Variants in TNR observed in about 807,000 individuals in gnomAD.
TNR encodes tenascin-R.
Under a neutral mutation model 150.4 loss-of-function variants are expected in TNR, and 45 were observed. The ratio of observed to expected loss-of-function variants is 0.30; its 90% CI spans 0.24 to 0.38. The LOEUF (loss-of-function observed/expected upper bound fraction) is 0.38. TNR is among the 10% of genes least tolerant of loss of function. The pLI, the probability that TNR is intolerant of heterozygous loss-of-function variation, is 1.00. For missense variants in TNR, 1,544 were observed against 1,759.1 expected (o/e 0.88, Z 2.19); for synonymous variants, 687 against 678.4 (o/e 1.01, Z -0.20).
At chr1:175,426,081 C>T (rs749525389) in intron 2 of TNR, among the ~76,000 whole-genome samples, 4 of 152,174 alleles carry the variant, frequency 2.6e-5, no homozygotes, top group South Asian at 2.1e-4. Flanking sequence ...GTAACAGGAG[C>T]CTGCTGAGGT....
chr1:175,713,771 GAGA>G (rs755174305), intron 1 of TNR, among the ~76,000 whole-genome samples: 2 of 152,202 alleles, frequency 1.3e-5, no homozygotes, highest in Non-Finnish European at 2.9e-5. Flanking sequence ...ACCTGCATGA[GAGA>G]AGGAGGAGAG....
At chr1:175,402,951 C>T (rs1045319263) in intron 4 of TNR, among the ~76,000 whole-genome samples, 189 bp downstream of exon 4, 1 of 152,180 alleles carries the variant, frequency 6.6e-6, no homozygotes, top group Non-Finnish European at 1.5e-5. Context: ...ACTCTTTATC[C>T]CTTTTAATCT....
chr1:175,645,372 G>A (rs149203100), intron 1 of TNR, among the ~76,000 whole-genome samples: 5 of 152,258 alleles, frequency 3.3e-5, no homozygotes, highest in East Asian at 1.9e-4. Context: ...TAAGATTCCC[G>A]GCAGCCATGG....
At chr1:175,686,576 G>T (rs570296303) in intron 1 of TNR, among the ~76,000 whole-genome samples, 1 of 152,076 alleles carries the variant, frequency 6.6e-6, no homozygotes, top group Non-Finnish European at 1.5e-5. Context: ...ATAATGCTTC[G>T]ATTGAGCCCA....
At chr1:175,434,344 T>C (rs1181565129) in intron 2 of TNR, among the ~76,000 whole-genome samples, 3 of 152,132 alleles carry the variant, frequency 2.0e-5, no homozygotes, top group African/African-American at 7.2e-5. Context: ...CTTGCCTGAA[T>C]TGGAGATGAG....
intron 1 of TNR, among the ~76,000 whole-genome samples, chr1:175,644,188 C>A (rs1664746049): frequency 6.6e-6 from 1 of 152,168 alleles, no homozygotes; most frequent in African/African-American, 2.4e-5. Flanking sequence ...GGTCAGTAAA[C>A]AATTTATGAA....
rs1388060788 is a variant in TNR, at chr1:175,633,288, G to A, written c.-164-104919C>T. On this transcript the variant is annotated intron_variant, in intron 1 of 22. Coordinates refer to ENST00000367674, the MANE Select transcript of TNR (RefSeq NM_003285.3). ...AGACTGTATGCATCTTGTAGGCCAAGACTTGGTCTTATGTTCTTTTTTTGT... is the reference window on the plus strand; with the variant it reads ...AGACTGTATGCATCTTGTAGGCCAAAACTTGGTCTTATGTTCTTTTTTTGT... Among the ~76,000 whole-genome samples the A allele has an allele frequency of 2.0e-5, 3 of 152,106 alleles. No individual in the cohort carries two copies. The East Asian group carries it at 5.8e-4, about 29-fold the overall frequency.
intron 2 of TNR, among the ~76,000 whole-genome samples, chr1:175,417,073 AAG>A (rs200429767): frequency 2.9e-5 from 4 of 139,044 alleles, no homozygotes; most frequent in Admixed American, 1.5e-4. Flanking sequence ...GAAAGAAAGA[AAG>A]AAATCTAAGA....
intron 1 of TNR, among the ~76,000 whole-genome samples, chr1:175,548,654 G>T (rs1660812317): frequency 8.2e-6 from 1 of 121,628 alleles, no homozygotes. Flanking sequence ...TGGTTTTACT[G>T]TAAGCAAAAT....
At chr1:175,354,282 C>T in intron 18 of TNR, 109 bp downstream of exon 18, 1 of 1,433,686 alleles carries the variant, frequency 7.0e-7, no homozygotes, top group Non-Finnish European at 9.3e-7. Flanking sequence ...GAGGAGGCAA[C>T]TGAGCTTTTT....
chr1:175,609,521 G>A (rs780872550), intron 1 of TNR, among the ~76,000 whole-genome samples: 8 of 152,174 alleles, frequency 5.3e-5, no homozygotes, highest in Non-Finnish European at 1.2e-4. Context: ...TAAAATGGTA[G>A]CTGGACATAG....
At position 175,347,316 on chromosome 1, in the gene TNR, T is replaced by C. The variant is rs183776428; in HGVS notation, c.3382+7075A>G. Among the ~76,000 whole-genome samples the C allele has an allele frequency of 7.3e-4, 111 of 152,342 alleles. 1 individual carries two copies. Among genetic ancestry groups the C allele is most frequent in the Non-Finnish European group, 6.2e-4 (42 of 68,036 alleles). On this transcript the variant is annotated intron_variant, in intron 18 of 22. Coordinates refer to ENST00000367674, the MANE Select transcript of TNR (RefSeq NM_003285.3). ...AAAATTCTATACCTTGATAAATGTT[T>C]TAAACCTCAAATCTAAACAAACACT...
chr1:175,637,545 G>T (rs1321218408), intron 1 of TNR, among the ~76,000 whole-genome samples: 3 of 151,692 alleles, frequency 2.0e-5, no homozygotes, highest in Non-Finnish European at 4.4e-5. Context: ...AGTAGCAAAA[G>T]AAAAAAAATA....
chr1:175,494,350 G>C (rs1293017435), intron 2 of TNR, among the ~76,000 whole-genome samples: 1 of 152,236 alleles, frequency 6.6e-6, no homozygotes, highest in South Asian at 2.1e-4. Flanking sequence ...CTGATTCATA[G>C]TCCCCGGCAC....
At chr1:175,396,962 A>C (rs2301430) in intron 4 of TNR, among the ~76,000 whole-genome samples, 155 bp from the exon 5 acceptor site, 8,232 of 152,228 alleles carry the variant, frequency 0.054, 312 homozygotes, top group Middle Eastern at 0.17. Flanking sequence ...CTTTGTGAGC[A>C]GGCTCTTGTC....
At chr1:175,398,217 T>A (rs995492520) in intron 4 of TNR, among the ~76,000 whole-genome samples, 11 of 152,152 alleles carry the variant, frequency 7.2e-5, no homozygotes, top group African/African-American at 2.2e-4. Flanking sequence ...CAGGATAGAA[T>A]CAGCAGCATA....
At chr1:175,344,607 C>T (rs150115244) in intron 18 of TNR, among the ~76,000 whole-genome samples, 1 of 152,238 alleles carries the variant, frequency 6.6e-6, no homozygotes, top group East Asian at 1.9e-4. Context: ...ACTTAGATGA[C>T]ATGGACCAAT....
At chr1:175,648,640 C>A (rs969849718) in intron 1 of TNR, among the ~76,000 whole-genome samples, 1 of 152,188 alleles carries the variant, frequency 6.6e-6, no homozygotes, top group East Asian at 1.9e-4. Context: ...GGCTTTCCTT[C>A]CCTGTCCAGA....
intron 1 of TNR, among the ~76,000 whole-genome samples, chr1:175,664,331 G>T (rs1210605332): frequency 6.6e-6 from 1 of 152,198 alleles, no homozygotes; most frequent in African/African-American, 2.4e-5. Flanking sequence ...TAGAGGTATG[G>T]TGTCCAGGAG....
Sources: allele counts gnomAD v4.1 joint callset (sites outside exome capture counted in the v4.1 genomes callset), GRCh38; gene constraint gnomAD v4.1.1; transcripts MANE v1.5; gene names NCBI Gene and HGNC (gene_info 2026-07-23, HGNC 2026-07-21).